Variants in WASF2 observed in about 807,000 individuals in gnomAD.
The protein encoded by WASF2 is WASP family member 2.
Under a neutral mutation model 45.0 loss-of-function variants are expected in WASF2, and 14 were observed. That is an observed-to-expected ratio of 0.31 (90% CI 0.21 to 0.49). WASF2 has a LOEUF of 0.49. Among genes scored for constraint, WASF2 ranks in the 20% least tolerant of loss-of-function variants. WASF2 has a pLI of 0.99. For missense variants in WASF2, 439 were observed against 636.1 expected, an observed-to-expected ratio of 0.69 and a Z score of 3.33; for synonymous variants, 200 against 236.3, an observed-to-expected ratio of 0.85 and a Z score of 1.41.
Position 27,410,304 on chromosome 1 carries a change from A to C in WASF2, c.825-98T>G, listed in dbSNP as rs953635674. On this transcript the variant is annotated intron_variant, in intron 7 of 8. Coordinates refer to ENST00000618852, the MANE Select transcript of WASF2 (RefSeq NM_006990.5). This position sits in a 1 kb window ranked among gnomAD's most constrained non-coding sequence, Gnocchi z 4.2. The stretch of plus-strand genomic sequence containing the variant: ...TACAGACCGAGGTTTATCTTGGTTG[A>C]CTATACCATTTCACTTTCACTTAAA... 1.6e-5 allele frequency: 24 copies of C among 1,521,308 alleles called. No homozygotes were observed. Among genetic ancestry groups the C allele is most frequent in the Non-Finnish European group, 2.0e-5 (22 of 1,128,178 alleles). 94.2% of individuals were successfully genotyped at this position (1,521,308 alleles called of 1,614,324 possible).
chr1:27,430,471 C>T (rs1041573885), intron 1 of WASF2, among the ~76,000 whole-genome samples: 26 of 152,132 alleles, frequency 1.7e-4, no homozygotes, highest in African/African-American at 5.6e-4. Flanking sequence ...AGCGATCCTC[C>T]TGCCTCAGCC....
intron 1 of WASF2, among the ~76,000 whole-genome samples, chr1:27,451,401 TC>T (rs1421800697): frequency 6.6e-5 from 10 of 152,182 alleles, no homozygotes; most frequent in African/African-American, 2.2e-4. Context: ...AAAACAGTGT[TC>T]CAGGAACAGT....
chr1:27,486,278 TAA>T, intron 1 of WASF2, among the ~76,000 whole-genome samples: 1 of 152,300 alleles, frequency 6.6e-6, no homozygotes, highest in East Asian at 1.9e-4. Context: ...ATTTCTTTTC[TAA>T]AACCCCAAAA....
At chr1:27,454,165 A>G (rs1240627793) in intron 1 of WASF2, among the ~76,000 whole-genome samples, 1 of 75,114 alleles carries the variant, frequency 1.3e-5, no homozygotes, top group Non-Finnish European at 2.2e-5. Flanking sequence ...ATATATATAT[A>G]TATATATATA....
intron 1 of WASF2, among the ~76,000 whole-genome samples, chr1:27,477,026 CA>C (rs746388609): frequency 2.6e-5 from 4 of 152,096 alleles, no homozygotes; most frequent in East Asian, 3.9e-4. Flanking sequence ...AATACAGCTA[CA>C]AAAAGGCAAC....
chr1:27,443,836 G>T lies in WASF2; in HGVS notation c.-43-14903C>A, dbSNP rs370943009. Among the ~76,000 whole-genome samples the T allele has an allele frequency of 1.5e-4, 23 of 151,668 alleles. 1 individual carries two copies. The highest frequency in any genetic ancestry group is 7.8e-4 in the East Asian group (4 of 5,146). The stretch of plus-strand genomic sequence containing the variant: ...CTCTTTTGCCCCGGCTGGAGTGCAG[G>T]GGGGGGTGATCTCAGCTCACTGCAA... On this transcript the variant is annotated intron_variant, in intron 1 of 8. Transcript: ENST00000618852.
chr1:27,450,086 G>A (rs1315064785), intron 1 of WASF2, among the ~76,000 whole-genome samples: 2 of 152,040 alleles, frequency 1.3e-5, no homozygotes, highest in South Asian at 4.1e-4. Flanking sequence ...AGAGGTTGCG[G>A]TGAGTGGAGA....
chr1:27,414,556 T>C lies in WASF2; in HGVS notation c.668+277A>G, dbSNP rs187027412. On this transcript the variant is annotated intron_variant, in intron 6 of 8. Transcript: ENST00000618852. This position sits in a 1 kb window ranked among gnomAD's most constrained non-coding sequence, Gnocchi z 4.1. ...CTTTCCAATCTTTCCTCTGGGGCCC[T>C]TAGATGTGTATCTCGCAGAGTAAGG... Among the ~76,000 whole-genome samples, 1 of 152,294 alleles carries C rather than the reference T, an allele frequency of 6.6e-6. No individual in the cohort carries two copies. Among genetic ancestry groups the C allele is most frequent in the African/African-American group, 2.4e-5 (1 of 41,568 alleles).
At chr1:27,450,037 G>A (rs1457925395) in intron 1 of WASF2, among the ~76,000 whole-genome samples, 2 of 151,950 alleles carry the variant, frequency 1.3e-5, no homozygotes, top group African/African-American at 2.4e-5. Flanking sequence ...CCAGCTATTC[G>A]GGAAGCTGAG....
intron 1 of WASF2, among the ~76,000 whole-genome samples, chr1:27,435,469 T>C (rs2017124677): frequency 6.6e-6 from 1 of 152,058 alleles, no homozygotes. Flanking sequence ...ATGCCTATAG[T>C]CTCAGCTACT....
intron 1 of WASF2, among the ~76,000 whole-genome samples, chr1:27,461,612 G>A (rs948970774): frequency 6.6e-6 from 1 of 151,764 alleles, no homozygotes; most frequent in African/African-American, 2.4e-5. Context: ...ACAGGCGCCC[G>A]CCACCACGCC....
At chr1:27,454,151 GTGTATA>G (rs1193049058) in intron 1 of WASF2, among the ~76,000 whole-genome samples, 12 of 81,058 alleles carry the variant, frequency 1.5e-4, no homozygotes, top group Non-Finnish European at 2.2e-4. Context: ...GTGTGTGTGT[GTGTATA>G]TATATATATA....
At chr1:27,469,201 G>C (rs946206820) in intron 1 of WASF2, among the ~76,000 whole-genome samples, 39 of 152,120 alleles carry the variant, frequency 2.6e-4, no homozygotes, top group Non-Finnish European at 7.3e-5. Flanking sequence ...ATGATCTAAG[G>C]GGGATGAGGG....
intron 1 of WASF2, among the ~76,000 whole-genome samples, chr1:27,432,414 C>T (rs1043373173): frequency 4.6e-5 from 7 of 151,682 alleles, no homozygotes; most frequent in Non-Finnish European, 8.8e-5. Flanking sequence ...TTTGGGAGGC[C>T]GAGGCGGGCG....
chr1:27,458,479 TCAAAAA>T (rs1458750890), intron 1 of WASF2, among the ~76,000 whole-genome samples: 2 of 152,098 alleles, frequency 1.3e-5, no homozygotes, highest in Non-Finnish European at 2.9e-5. Context: ...GTAGTTTTCC[TCAAAAA>T]TAAAGATTTT....
intron 1 of WASF2, among the ~76,000 whole-genome samples, chr1:27,462,490 G>A (rs1214461268): frequency 6.6e-6 from 1 of 152,148 alleles, no homozygotes; most frequent in African/African-American, 2.4e-5. Context: ...AAGAGAGAGA[G>A]AGATGGGGTC....
rs895079631 is a variant in WASF2, at chr1:27,405,759, G to C, written c.*2430C>G. 3.9e-5 allele frequency: 6 copies of C among 152,548 alleles called. No individual in the cohort carries two copies. Among genetic ancestry groups the C allele is most frequent in the African/African-American group, 1.4e-4 (6 of 41,502 alleles). 9.4% of individuals were successfully genotyped at this position (152,548 alleles called of 1,614,324 possible). A position where few individuals can be genotyped will look rare whatever the true frequency, so the allele number is the denominator to read the frequency against. ...AGCTTGGCTGCATAGATTTTAATGAGAGCGTCAGGCAGAGCTGTGCTGTTG... is the reference window on the plus strand; with the variant it reads ...AGCTTGGCTGCATAGATTTTAATGACAGCGTCAGGCAGAGCTGTGCTGTTG... On this transcript the variant is annotated 3_prime_UTR_variant, in exon 9 of 9. Coordinates refer to ENST00000618852, the MANE Select transcript of WASF2 (RefSeq NM_006990.5).
chr1:27,404,632 T>C lies in WASF2; in HGVS notation c.*3557A>G, dbSNP rs2016637980. The C allele has an allele frequency of 6.6e-6, 1 of 152,194 alleles. No individual in the cohort carries two copies. The highest frequency in any genetic ancestry group is 1.5e-5 in the Non-Finnish European group (1 of 68,040). The allele number at this position is 152,194 out of a possible 1,614,324, so 9.4% of individuals were successfully genotyped here. ...ACCCACAGGAATATGTCCTTATAAA[T>C]ATGTTTGTATCAGAGAAAACAAGGC... On this transcript the variant is annotated 3_prime_UTR_variant, in exon 9 of 9. Transcript: ENST00000618852.
chr1:27,418,336 C>T lies in WASF2; in HGVS notation c.352G>A (p.Val118Met). Reference protein sequence around the residue: ...QKLFDRNSLPVPVLETYNTCD... With the variant: ...QKLFDRNSLPMPVLETYNTCD... ...GTATTGTATGTTTCTAAGACAGGCACTGGGAGAGAGTTTCTGTCAAAAAGC... is the reference window on the plus strand; with the variant it reads ...GTATTGTATGTTTCTAAGACAGGCATTGGGAGAGAGTTTCTGTCAAAAAGC... The change falls in exon 4 of 9, where the codon GTG becomes ATG. Residue 118 changes from valine (V) to methionine (M), a missense_variant. Coordinates refer to ENST00000618852, the MANE Select transcript of WASF2 (RefSeq NM_006990.5). The T allele has an allele frequency of 6.2e-7, 1 of 1,614,176 alleles. No individual in the cohort carries two copies. Among genetic ancestry groups the T allele is most frequent in the Non-Finnish European group, 8.5e-7 (1 of 1,180,020 alleles).
Sources: gnomAD v4.1 joint callset for allele counts (sites outside exome capture counted in the v4.1 genomes callset) on GRCh38, gnomAD v4.1.1 for gene constraint, Gnocchi (gnomAD v3.1) non-coding constraint, MANE v1.5 for transcripts, NCBI Gene and HGNC (gene_info 2026-07-23, HGNC 2026-07-21) for gene names.